Variants in FGF13 observed in about 807,000 individuals in gnomAD.
The protein encoded by FGF13 is fibroblast growth factor 13, also known as fibroblast growth factor homologous factor 2.
Under a neutral mutation model 19.5 loss-of-function variants are expected in FGF13, and 2 were observed. The ratio of observed to expected loss-of-function variants is 0.10; its 90% confidence interval spans 0.04 to 0.32. FGF13 has a LOEUF of 0.32. Ranked by LOEUF, FGF13 falls within the 10% of genes least tolerant of loss-of-function variation. FGF13 has a pLI of 1.00. For synonymous variants in FGF13, 72 were observed against 76.9 expected (o/e 0.94, Z 0.33); for missense variants, 113 against 192.7 (o/e 0.59, Z 2.45).
chrX:138,639,928 G>T (rs766557656), intron 3 of FGF13, among the ~76,000 whole-genome samples: 48 of 110,447 alleles, frequency 4.3e-4, no homozygotes, highest in Non-Finnish European at 8.7e-4. Context: ...GGGAGGCAGA[G>T]GCTGCAGTGA....
intron 1 of FGF13, among the ~76,000 whole-genome samples, chrX:138,989,965 T>C (rs1022640781): frequency 3.6e-5 from 4 of 111,887 alleles, no homozygotes; most frequent in Non-Finnish European, 7.5e-5. Flanking sequence ...AGACTTAGTA[T>C]AAATTTCCAG....
At chrX:139,009,593 A>G (rs1488887146) in intron 1 of FGF13, among the ~76,000 whole-genome samples, 2 of 111,767 alleles carry the variant, frequency 1.8e-5, no homozygotes, top group African/African-American at 6.5e-5. Context: ...TTTCCAGACA[A>G]ACAAATGTTA....
rs139348239 is a variant in FGF13, at chrX:139,126,910, C to T, written c.-113+76506G>A. On this transcript the variant is annotated intron_variant, in intron 1 of 2. Coordinates refer to the FGF13 transcript ENST00000421460. ...TCTTGCCTGTCCAAAGGGCTTACCT[C>T]CTTCATTTCAGCTCACCACACCCAA... Among the ~76,000 whole-genome samples, 396 of 111,884 alleles carry T rather than the reference C, an allele frequency of 3.5e-3. 1 individual carries two copies. Among genetic ancestry groups the T allele is most frequent in the Admixed American group, 0.01 (111 of 10,576 alleles).
chrX:138,730,199 G>C (rs942740840), intron 1 of FGF13, among the ~76,000 whole-genome samples: 10 of 110,570 alleles, frequency 9.0e-5, no homozygotes, highest in African/African-American at 3.3e-4. Context: ...GGTGGAGGAG[G>C]GGGGAAGGGA....
chrX:139,194,261 A>G (rs954749827), intron 1 of FGF13, among the ~76,000 whole-genome samples: 2 of 112,360 alleles, frequency 1.8e-5, no homozygotes, highest in Non-Finnish European at 3.8e-5. Context: ...AGCCATGTCT[A>G]TGTATTATAA....
chrX:138,924,429 G>A (rs1413547490), intron 1 of FGF13, among the ~76,000 whole-genome samples: 1 of 111,952 alleles, frequency 8.9e-6, no homozygotes, highest in Admixed American at 9.5e-5. Context: ...ATGACTTGAG[G>A]AATGATGAGC....
intron 1 of FGF13, among the ~76,000 whole-genome samples, chrX:138,961,936 A>T (rs1292830767): frequency 8.9e-6 from 1 of 111,912 alleles, no homozygotes; most frequent in Admixed American, 9.5e-5. Context: ...AGGCATGGGC[A>T]AGGACTTCAT....
At chrX:138,916,235 A>G (rs1334454703) in intron 1 of FGF13, among the ~76,000 whole-genome samples, 1 of 111,585 alleles carries the variant, frequency 9.0e-6, no homozygotes, top group Non-Finnish European at 1.9e-5. Context: ...CATATGGGAC[A>G]CTCTGACAAT....
chrX:138,844,535 C>A (rs1359159985), intron 3 of FGF13, among the ~76,000 whole-genome samples: 3 of 111,821 alleles, frequency 2.7e-5, no homozygotes, highest in African/African-American at 9.7e-5. Context: ...TTGAAAGGAA[C>A]TGGATTACAA....
In FGF13 at chrX:138,625,833, T is replaced by G. The variant is rs912872840; in HGVS notation, c.*7017A>C. ...ATTATGTTACCTTAAAAAAATAAAA[T>G]GTGCACTTTAGATGGGAAGATGTTG... is the stretch of plus-strand genomic sequence containing the variant. On this transcript the variant is annotated 3_prime_UTR_variant, in exon 5 of 5. Transcript: ENST00000315930. 1 of 110,283 alleles carries G rather than the reference T, an allele frequency of 9.1e-6. No individual in the cohort carries two copies. Among genetic ancestry groups the G allele is most frequent in the African/African-American group, 3.3e-5 (1 of 30,314 alleles). The allele number at this position is 110,283 out of a possible 1,213,427, so 9.1% of individuals were successfully genotyped here. A position where few individuals can be genotyped will look rare whatever the true frequency, so the allele number is the denominator to read the frequency against.
chrX:138,802,138 GAAAACAAAAACA>G (rs764201609), intron 3 of FGF13, among the ~76,000 whole-genome samples: 1 of 111,612 alleles, frequency 9.0e-6, no homozygotes, highest in African/African-American at 3.3e-5. Flanking sequence ...ACTGGGGTAT[GAAAACAAAAACA>G]AAAACAAAAA....
intron 1 of FGF13, among the ~76,000 whole-genome samples, chrX:139,147,970 T>A (rs1276968283): frequency 9.1e-6 from 1 of 110,230 alleles, no homozygotes; most frequent in Non-Finnish European, 1.9e-5. Flanking sequence ...AAATTCTGGG[T>A]AGACATGAAT....
intron 1 of FGF13, among the ~76,000 whole-genome samples, chrX:138,975,560 C>A (rs1179353666): frequency 4.5e-5 from 5 of 111,094 alleles, no homozygotes; most frequent in East Asian, 2.8e-4. Context: ...GAAAGGCCTT[C>A]AGTATTACTG....
At chrX:138,806,664 C>T (rs1454017654) in intron 3 of FGF13, 1 of 112,129 alleles carries the variant, frequency 8.9e-6, no homozygotes, top group Non-Finnish European at 1.9e-5. Context: ...AGAAGAGGAG[C>T]TTGACTGGCA....
chrX:139,154,943 C>G (rs1442833386), intron 1 of FGF13, among the ~76,000 whole-genome samples: 1 of 111,610 alleles, frequency 9.0e-6, no homozygotes, highest in Non-Finnish European at 1.9e-5. Context: ...TTTTGAGGTA[C>G]ATGCTATTAT....
In FGF13 at chrX:138,615,946, G is replaced by A. The variant is rs2088964281; in HGVS notation, c.*16904C>T. 9.0e-6 allele frequency: 1 copy of A among 110,967 alleles called. No homozygotes were observed. The highest frequency in any genetic ancestry group is 3.8e-4 in the South Asian group (1 of 2,598). The allele number at this position is 110,967 out of a possible 1,213,427, so 9.1% of individuals were successfully genotyped here. A position where few individuals can be genotyped will look rare whatever the true frequency, so the allele number is the denominator to read the frequency against. On this transcript the variant is annotated 3_prime_UTR_variant, in exon 5 of 5. Coordinates refer to ENST00000315930, the MANE Select transcript of FGF13 (RefSeq NM_004114.5). ...TCACTATCATGAGAATAGCATGAGG[G>A]AAACCACCCCCATGATTCAGTCCTC...
At chrX:138,792,185 T>A (rs1048148779) in intron 3 of FGF13, among the ~76,000 whole-genome samples, 2 of 112,439 alleles carry the variant, frequency 1.8e-5, no homozygotes, top group Non-Finnish European at 3.7e-5. Context: ...CTAGGTACTC[T>A]GTAAGTTGTA....
At chrX:139,201,936 GC>G (rs1384425048) in intron 1 of FGF13, among the ~76,000 whole-genome samples, 1 of 111,922 alleles carries the variant, frequency 8.9e-6, no homozygotes, top group Non-Finnish European at 1.9e-5. Flanking sequence ...CTTAAAAGTT[GC>G]CTTGTAAAAT....
chrX:138,844,105 G>A (rs1047626708), intron 3 of FGF13, among the ~76,000 whole-genome samples: 1 of 112,249 alleles, frequency 8.9e-6, no homozygotes, highest in Non-Finnish European at 1.9e-5. Flanking sequence ...AAAAGTGCAC[G>A]TTTGTAAAGT....
Sources: allele counts gnomAD v4.1 joint callset (sites outside exome capture counted in the v4.1 genomes callset), GRCh38; gene constraint gnomAD v4.1.1; transcripts MANE v1.5; gene names NCBI Gene and HGNC (gene_info 2026-07-23, HGNC 2026-07-21).